FKBP15: variants seen among roughly 807,000 people sequenced by gnomAD.
FKBP15 encodes the protein FKBP prolyl isomerase family member 15.
FKBP15 carries 106 observed loss-of-function variants against 158.1 expected under a neutral mutation model. That is an observed-to-expected ratio of 0.67 (90% CI 0.57 to 0.79). The LOEUF (loss-of-function observed/expected upper bound fraction) is 0.79, where lower values mean the gene tolerates loss of function less well. Ranked by LOEUF, FKBP15 falls within the 30% of genes least tolerant of loss-of-function variation. FKBP15 has a pLI of 0.00. For missense variants in FKBP15, 1,287 were observed against 1,479.1 expected (o/e 0.87, Z 2.13); for synonymous variants, 547 against 548.6 (o/e 1.00, Z 0.04).
intron 2 of FKBP15, among the ~76,000 whole-genome samples, chr9:113,211,224 C>T: frequency 1.3e-5 from 2 of 152,172 alleles, no homozygotes; most frequent in Non-Finnish European, 2.9e-5. Flanking sequence ...GGCTGGAGTA[C>T]AGTGGCTCAC....
intron 1 of FKBP15, among the ~76,000 whole-genome samples, chr9:113,212,789 T>C (rs1253944483): frequency 2.0e-5 from 3 of 152,224 alleles, no homozygotes; most frequent in Non-Finnish European, 4.4e-5. Context: ...TAGGGTTTCA[T>C]ACTGTCTCTC....
At chr9:113,173,383 G>A (rs11787959) in intron 23 of FKBP15, 70 bp downstream of exon 23, 263,275 of 1,524,522 alleles carry the variant, frequency 0.17, 24,648 homozygotes, top group Non-Finnish European at 0.19. Context: ...GGATCGACAG[G>A]ACTCAAACAG....
chr9:113,176,697 T>C, intron 20 of FKBP15, 24 bp from the exon 21 acceptor site: 1 of 1,605,364 alleles, frequency 6.2e-7, no homozygotes. Context: ...GCAGAGAGAC[T>C]TCGCTACAGA....
chr9:113,211,661 C>A, intron 1 of FKBP15, 69 bp from the exon 2 acceptor site: 1 of 1,157,544 alleles, frequency 8.6e-7, no homozygotes, highest in South Asian at 1.4e-5. Flanking sequence ...ATAAAAGCTG[C>A]TCATCTCCAA....
Position 113,202,586 on chromosome 9 carries a change from T to G in FKBP15, c.443A>C (p.Gln148Pro), listed in dbSNP as rs1345993823. The G allele has an allele frequency of 7.6e-6, 12 of 1,583,044 alleles. No homozygotes were observed. Among genetic ancestry groups the G allele is most frequent in the Non-Finnish European group, 1.0e-5 (12 of 1,163,264 alleles). Reference sequence around the variant, plus strand: ...CGACTCAAACATGATGGACCAGTTCTGTCTCTGGTCATCATAAAAGGTGCT... The same window carrying G: ...CGACTCAAACATGATGGACCAGTTCGGTCTCTGGTCATCATAAAAGGTGCT... ...NYSTFYDDQR[Q>P]NWSIMFESEK... Residue 148 changes from glutamine to proline, a missense_variant, in exon 6 of 28, where the codon CAG (glutamine) becomes CCG (proline). Coordinates refer to ENST00000238256, the MANE Select transcript of FKBP15 (RefSeq NM_015258.2).
chr9:113,215,598 A>C (rs1245631107), intron 1 of FKBP15, among the ~76,000 whole-genome samples: 1 of 136,320 alleles, frequency 7.3e-6, no homozygotes, highest in Non-Finnish European at 1.5e-5. Context: ...GTGAATATAT[A>C]TGTGTGCGTG....
chr9:113,190,568 G>T lies in FKBP15; in HGVS notation c.1076C>A (p.Ala359Glu), dbSNP rs1830557455. The T allele has an allele frequency of 6.2e-7, 1 of 1,608,664 alleles. No individual in the cohort carries two copies. The highest frequency in any genetic ancestry group is 1.3e-5 in the African/African-American group (1 of 74,868). Residue 359 changes from alanine (A) to glutamate (E), a missense_variant, in exon 12 of 28, where the codon GCA becomes GAA. Coordinates refer to ENST00000238256, the MANE Select transcript of FKBP15 (RefSeq NM_015258.2). The part of the protein sequence containing the change: ...EQLAINTSPD[A>E]VKAKLISRMA... Reference sequence around the variant, plus strand: ...CCGAGAGATCAACTTGGCTTTGACTGCATCGGGACTCTAAAAAGAGAGGAA... The same window carrying T: ...CCGAGAGATCAACTTGGCTTTGACTTCATCGGGACTCTAAAAAGAGAGGAA...
At position 113,178,753 on chromosome 9, in the gene FKBP15, G is replaced by A. The variant is rs1295891874; in HGVS notation, c.1963C>T (p.Leu655=). The stretch of plus-strand genomic sequence containing the variant: ...TGGTGAGCAGTCATTTTCAGCTGCA[G>A]ATGAGAGACCTGTGCAGTGGCCGCT... ...LAAATAQVSH[L]QLKMTAHQKK... The change falls in exon 20 of 28, where the codon CTG becomes TTG. Residue 655 remains leucine, a synonymous_variant. Coordinates refer to ENST00000238256, the MANE Select transcript of FKBP15 (RefSeq NM_015258.2). The A allele has an allele frequency of 3.1e-6, 5 of 1,609,740 alleles. No individual in the cohort carries two copies. Among genetic ancestry groups the A allele is most frequent in the Non-Finnish European group, 3.4e-6 (4 of 1,177,930 alleles).
chr9:113,168,361 A>C, intron 27 of FKBP15, 99 bp downstream of exon 27: 2 of 999,214 alleles, frequency 2.0e-6, no homozygotes, highest in Non-Finnish European at 3.1e-6. Flanking sequence ...GAGTCCAGGG[A>C]GTGGGCCACC....
In FKBP15 at chr9:113,162,803, CG is replaced by C. The variant is rs1564140292; in HGVS notation, c.*3274del. 6.8e-6 allele frequency: 11 copies of C among 1,613,774 alleles called. No homozygotes were observed. Among genetic ancestry groups the C allele is most frequent in the Non-Finnish European group, 8.5e-6 (10 of 1,179,796 alleles). ...TAATCCATGTCATCCAGGTGGTCAT[CG>C]GCTACTTCATCATGCTGGCCGTAAT... On this transcript the variant is annotated 3_prime_UTR_variant, in exon 28 of 28. Transcript: ENST00000238256.
Position 113,165,695 on chromosome 9 carries a change from G to A in FKBP15, c.*383C>T, listed in dbSNP as rs923170494. On this transcript the variant is annotated 3_prime_UTR_variant, in exon 28 of 28. Coordinates refer to ENST00000238256, the MANE Select transcript of FKBP15 (RefSeq NM_015258.2). ...TTCTACCAGGGAGACCTCAGCCCAGGTCTTGTTGCCGGGGCACAGTTGAGC... is the reference window on the plus strand; with the variant it reads ...TTCTACCAGGGAGACCTCAGCCCAGATCTTGTTGCCGGGGCACAGTTGAGC... 5.3e-6 allele frequency: 1 copy of A among 189,570 alleles called. No homozygotes were observed. The highest frequency in any genetic ancestry group is 2.3e-5 in the African/African-American group (1 of 43,312). The allele number at this position is 189,570 out of a possible 1,614,324, so 11.7% of individuals were successfully genotyped here. A position where few individuals can be genotyped will look rare whatever the true frequency, so the allele number is the denominator to read the frequency against.
chr9:113,171,746 A>ATTACCG, intron 23 of FKBP15, 40 bp from the exon 24 acceptor site: 1 of 1,070,738 alleles, frequency 9.3e-7, no homozygotes, highest in Admixed American at 4.4e-5. Context: ...CTCAGGAACC[A>ATTACCG]GGTGAAGGTC....
chr9:113,178,035 G>C (rs1221039810), intron 20 of FKBP15, among the ~76,000 whole-genome samples: 1 of 152,112 alleles, frequency 6.6e-6, no homozygotes, highest in African/African-American at 2.4e-5. Flanking sequence ...GAAAGCTTCT[G>C]AAAGAGGCAG....
chr9:113,173,246 C>G (rs903561832), intron 23 of FKBP15, among the ~76,000 whole-genome samples: 1 of 152,202 alleles, frequency 6.6e-6, no homozygotes, highest in Non-Finnish European at 1.5e-5. Flanking sequence ...TGTTCCGGAA[C>G]ACTAGTGCTG....
chr9:113,171,799 T>A, intron 23 of FKBP15, 93 bp from the exon 24 acceptor site: 2 of 233,732 alleles, frequency 8.6e-6, no homozygotes, highest in Non-Finnish European at 1.3e-5. Flanking sequence ...ATCAAGTCTC[T>A]TTTTTTTTTT....
At chr9:113,167,655 T>G (rs16910279) in intron 27 of FKBP15, among the ~76,000 whole-genome samples, 2,708 of 152,230 alleles carry the variant, frequency 0.018, 87 homozygotes, top group African/African-American at 0.062. Flanking sequence ...GGGACAAAAT[T>G]TGCCCCATTC....
chr9:113,175,787 CT>C (rs1564154928), intron 21 of FKBP15, among the ~76,000 whole-genome samples: 4 of 152,022 alleles, frequency 2.6e-5, no homozygotes, highest in Non-Finnish European at 4.4e-5. Context: ...GAAAGCTTTA[CT>C]ACTAATAAAA....
At chr9:113,196,871 T>C in intron 9 of FKBP15, 61 bp downstream of exon 9, 1 of 1,552,996 alleles carries the variant, frequency 6.4e-7, no homozygotes, top group Non-Finnish European at 8.8e-7. Context: ...ATTCATTTTG[T>C]GTAACTAGCA....
In FKBP15 at chr9:113,166,123, A is replaced by C. The variant is rs377594151; in HGVS notation, c.3615T>G (p.Leu1205=). 6.2e-7 allele frequency: 1 copy of C among 1,613,478 alleles called. No individual in the cohort carries two copies. Among genetic ancestry groups the C allele is most frequent in the East Asian group, 2.2e-5 (1 of 44,868 alleles). ...CATCGTCATCATCATCATCTCCAAA[A>C]AGGGGCGTTGGGGGCGGGCGTCCCT... is the stretch of plus-strand genomic sequence containing the variant. ...SMKGRPPPTP[L]FGDDDDDDDI... Residue 1205 remains leucine (L), a synonymous_variant, in exon 28 of 28, where the codon CTT becomes CTG. Transcript: ENST00000238256.
Sources: allele counts gnomAD v4.1 joint callset (sites outside exome capture counted in the v4.1 genomes callset), GRCh38; gene constraint gnomAD v4.1.1; transcripts MANE v1.5; gene names NCBI Gene and HGNC (gene_info 2026-07-23, HGNC 2026-07-21).